The following MED1 variants were observed in gnomAD, a reference collection of about 807,000 sequenced individuals.
MED1 encodes mediator complex subunit 1.
Under a neutral mutation model 121.3 loss-of-function variants are expected in MED1, and 17 were observed. The observed-to-expected ratio is 0.14, with a 90% CI of 0.10 to 0.21. MED1 has a LOEUF of 0.21. Ranked by LOEUF, MED1 falls within the 10% of genes least tolerant of loss-of-function variation. The pLI is 1.00. For missense variants in MED1, 1,558 were observed against 1,919.4 expected (o/e 0.81, Z 3.52); for synonymous variants, 661 against 694.4 (o/e 0.95, Z 0.76).
At chr17:39,411,343 G>A (rs1484016860) in intron 16 of MED1, among the ~76,000 whole-genome samples, 1 of 152,054 alleles carries the variant, frequency 6.6e-6, no homozygotes, top group African/African-American at 2.4e-5. Flanking sequence ...TCCTTAGGTC[G>A]GGCGCGGTGG....
intron 5 of MED1, 121 bp from the exon 6 acceptor site, chr17:39,439,314 G>C: frequency 1.5e-6 from 1 of 663,444 alleles, no homozygotes; most frequent in East Asian, 3.0e-5. Context: ...AACTACAGAT[G>C]GTCCTCATAT....
At chr17:39,420,972 T>G (rs964365090) in intron 13 of MED1, among the ~76,000 whole-genome samples, 1 of 151,466 alleles carries the variant, frequency 6.6e-6, no homozygotes, top group Admixed American at 6.6e-5. Flanking sequence ...ATTTTTTGTG[T>G]TTTTTAGTAG....
chr17:39,448,635 C>A (rs564843569), intron 1 of MED1, among the ~76,000 whole-genome samples: 2 of 151,506 alleles, frequency 1.3e-5, no homozygotes, highest in East Asian at 2.0e-4. Flanking sequence ...GCTGGCTGGG[C>A]GGAGTGGCTC....
intron 16 of MED1, among the ~76,000 whole-genome samples, chr17:39,413,787 T>C (rs961232742): frequency 9.2e-5 from 14 of 151,754 alleles, no homozygotes; most frequent in Admixed American, 3.3e-4. Context: ...CTATGAAGAA[T>C]TGGCACACAG....
intron 9 of MED1, among the ~76,000 whole-genome samples, chr17:39,429,024 T>TAA (rs965157171): frequency 7.1e-6 from 1 of 141,552 alleles, no homozygotes; most frequent in Non-Finnish European, 1.6e-5. Flanking sequence ...ACAATTGATT[T>TAA]AAAAAAAAAA....
In MED1 at chr17:39,451,122, C is replaced by T. The variant is rs1597879534; in HGVS notation, c.-60G>A. ...AGGATAAGCCCTTCCCCACCACTAACGGAGGAAACAAGTTGGCTCGGGATC... is the reference window on the plus strand; with the variant it reads ...AGGATAAGCCCTTCCCCACCACTAATGGAGGAAACAAGTTGGCTCGGGATC... On this transcript the variant is annotated 5_prime_UTR_variant, in exon 1 of 17. Transcript: ENST00000300651. The T allele has an allele frequency of 2.5e-6, 4 of 1,593,896 alleles. No individual in the cohort carries two copies. The East Asian group carries it at 9.3e-5, about 37-fold the overall frequency.
In MED1 at chr17:39,409,358, C is replaced by A. The variant is rs369612086; in HGVS notation, c.2863G>T (p.Gly955Cys). 1 of 1,613,854 alleles carries A rather than the reference C, an allele frequency of 6.2e-7. No individual in the cohort carries two copies. The highest frequency in any genetic ancestry group is 8.5e-7 in the Non-Finnish European group (1 of 1,179,998). Residue 955 changes from glycine (G) to cysteine (C), a missense_variant, in exon 17 of 17, where the codon GGT becomes TGT. Around this residue, in one of 5 missense-constraint regions of MED1, gnomAD observed 793 missense variants for 898.2 expected, o/e 0.88. Coordinates refer to ENST00000300651, the MANE Select transcript of MED1 (RefSeq NM_004774.4). ...DLMEHHSGSQ[G>C]PLLTTGDLGK... ...AAGTCCCCAGTGGTCAGTAAAGGAC[C>A]CTGACTACCACTGTGATGCTCCATA...
Position 39,409,638 on chromosome 17 carries a change from A to G in MED1, c.2583T>C (p.Asp861=). The change falls in exon 17 of 17, where the codon GAT becomes GAC. Residue 861 remains aspartate (D), a synonymous_variant. Coordinates refer to ENST00000300651, the MANE Select transcript of MED1 (RefSeq NM_004774.4). ...ATAAATCAGGATTGAAATCTACTCC[A>G]TCATGAAAAAAATGATTGGTAGGAG... ...SDSPTNHFFH[D]GVDFNPDLLN... The G allele has an allele frequency of 6.2e-7, 1 of 1,614,188 alleles. No individual in the cohort carries two copies. Among genetic ancestry groups the G allele is most frequent in the Non-Finnish European group, 8.5e-7 (1 of 1,180,034 alleles).
At chr17:39,438,301 G>C (rs369774022) in intron 6 of MED1, among the ~76,000 whole-genome samples, 2 of 148,910 alleles carry the variant, frequency 1.3e-5, no homozygotes, top group East Asian at 3.9e-4. Context: ...CTCCCGAGTA[G>C]CTGGGATTAC....
chr17:39,407,362 T>C lies in MED1; in HGVS notation c.*113A>G. On this transcript the variant is annotated 3_prime_UTR_variant, in exon 17 of 17. Coordinates refer to ENST00000300651, the MANE Select transcript of MED1 (RefSeq NM_004774.4). The stretch of plus-strand genomic sequence containing the variant: ...AGCTTGATGTCAAAGCCATGCCATT[T>C]AGGATTCTTAACCAAATCAGACCTG... 6.9e-7 allele frequency: 1 copy of C among 1,439,384 alleles called. No individual in the cohort carries two copies. 89.2% of individuals were successfully genotyped at this position (1,439,384 alleles called of 1,614,324 possible).
rs865914079 is a variant in MED1, at chr17:39,424,941, G to A, written c.740-203C>T. 3.9e-5 allele frequency among the ~76,000 whole-genome samples: 6 copies of A among 151,974 alleles called. No homozygotes were observed. In the South Asian group the frequency reaches 6.2e-4, roughly 16 times the overall value. The stretch of plus-strand genomic sequence containing the variant: ...GTCACCCAGGCTGGAGTGCAGTGGC[G>A]CAATCTCAGCTCACTGCAAGCTCCA... On this transcript the variant is annotated intron_variant, in intron 10 of 16. Transcript: ENST00000300651.
chr17:39,451,182 C>T lies in MED1; in HGVS notation c.-120G>A. 2 of 1,148,572 alleles carry T rather than the reference C, an allele frequency of 1.7e-6. No homozygotes were observed. The highest frequency in any genetic ancestry group is 1.3e-6 in the Non-Finnish European group (1 of 785,178). The allele number at this position is 1,148,572 out of a possible 1,614,324, so 71.1% of individuals were successfully genotyped here. On this transcript the variant is annotated 5_prime_UTR_variant, in exon 1 of 17. Coordinates refer to ENST00000300651, the MANE Select transcript of MED1 (RefSeq NM_004774.4). Reference sequence around the variant, plus strand: ...AGGGCACCAGCAGTCCCTACTCTTCCCGGGAAGGATCAATCTGAAGTCCCC... The same window carrying T: ...AGGGCACCAGCAGTCCCTACTCTTCTCGGGAAGGATCAATCTGAAGTCCCC...
Position 39,424,645 on chromosome 17 carries a change from T to C in MED1, c.833A>G (p.His278Arg). The C allele has an allele frequency of 6.3e-7, 1 of 1,593,932 alleles. No homozygotes were observed. The change falls in exon 11 of 17, where the codon CAT becomes CGT. Residue 278 changes from histidine to arginine, a missense_variant. This residue lies in a region of MED1 where 443 missense variants were observed against 532.4 expected (regional missense o/e 0.83). Coordinates refer to ENST00000300651, the MANE Select transcript of MED1 (RefSeq NM_004774.4). Reference protein sequence around the residue: ...LPIAPLIMGSHPVDNKWTPSF... With the variant: ...LPIAPLIMGSRPVDNKWTPSF... ...AACTTACCATTTATTGTCAACTGGATGTGACCCCATAATTAATGGTGCAAT... is the reference window on the plus strand; with the variant it reads ...AACTTACCATTTATTGTCAACTGGACGTGACCCCATAATTAATGGTGCAAT...
Position 39,408,327 on chromosome 17 carries a change from G to A in MED1, c.3894C>T (p.Asn1298=). The A allele has an allele frequency of 3.1e-6, 5 of 1,614,126 alleles. No homozygotes were observed. Among genetic ancestry groups the A allele is most frequent in the Non-Finnish European group, 4.2e-6 (5 of 1,180,030 alleles). Residue 1298 remains asparagine, a synonymous_variant, in exon 17 of 17, where the codon AAC becomes AAT. Transcript: ENST00000300651. This position sits in a 1 kb window ranked among gnomAD's most constrained non-coding sequence, Gnocchi z 4.7. Reference sequence around the variant, plus strand: ...TGACAGCTGTCAAGGACGGCTTCTTGTTTCTGCTGGGAGATTTTCCTTTAG... The same window carrying A: ...TGACAGCTGTCAAGGACGGCTTCTTATTTCTGCTGGGAGATTTTCCTTTAG... ...GSSKGKSPSR[N]KKPSLTAVID...
intron 6 of MED1, 111 bp downstream of exon 6, chr17:39,439,054 A>C (rs900906923): frequency 6.9e-6 from 7 of 1,010,528 alleles, no homozygotes; most frequent in Non-Finnish European, 1.0e-5. Context: ...ATCTTTGCCC[A>C]AGAAAATAAA....
chr17:39,447,035 A>G (rs1449341921), intron 2 of MED1, among the ~76,000 whole-genome samples: 2 of 152,182 alleles, frequency 1.3e-5, no homozygotes, highest in African/African-American at 4.8e-5. Context: ...CCTTTTTAGC[A>G]TTCCCAATGA....
In MED1 at chr17:39,406,621, C is replaced by G. The variant is rs1209146875; in HGVS notation, c.*854G>C. ...AGTCAATACCTCCACAGAGAGGTAACTCCTAATATTCCTATGATCTCTGAA... is the reference window on the plus strand; with the variant it reads ...AGTCAATACCTCCACAGAGAGGTAAGTCCTAATATTCCTATGATCTCTGAA... On this transcript the variant is annotated 3_prime_UTR_variant, in exon 17 of 17. Transcript: ENST00000300651. 1.0e-6 allele frequency: 1 copy of G among 978,882 alleles called. No individual in the cohort carries two copies. Among genetic ancestry groups the G allele is most frequent in the African/African-American group, 1.8e-5 (1 of 55,740 alleles). 60.6% of individuals were successfully genotyped at this position (978,882 alleles called of 1,614,324 possible).
intron 3 of MED1, among the ~76,000 whole-genome samples, chr17:39,442,600 A>G (rs1359498694): frequency 4.8e-3 from 142 of 29,380 alleles, no homozygotes; most frequent in South Asian, 0.048. Flanking sequence ...CCGTCTCGGA[A>G]AAAAAAAAAA....
In MED1 at chr17:39,451,214, AAGAAG is replaced by A; in HGVS notation, c.-157_-153del. On this transcript the variant is annotated 5_prime_UTR_variant, in exon 1 of 17. The change abolishes the stop of an existing upstream ORF in the 5' untranslated region. Transcript: ENST00000300651. ...GGATCAATCTGAAGTCCCCGGCGGC[AAGAAG>A]AGAAGGGTGCTCGAGGCCGCCGCCA... 1.2e-6 allele frequency: 1 copy of A among 847,892 alleles called. No homozygotes were observed. 52.5% of individuals were successfully genotyped at this position (847,892 alleles called of 1,614,324 possible).
Sources: gnomAD v4.1 joint callset for allele counts (sites outside exome capture counted in the v4.1 genomes callset) on GRCh38, gnomAD v4.1.1 for gene constraint, gnomAD v4.1.1 regional missense constraint, Gnocchi (gnomAD v3.1) non-coding constraint, MANE v1.5 for transcripts, NCBI Gene and HGNC (gene_info 2026-07-23, HGNC 2026-07-21) for gene names.